Variants in DGKI observed in about 807,000 individuals in gnomAD.
DGKI encodes the protein diacylglycerol kinase iota.
In DGKI, 55 loss-of-function variants were observed where a neutral mutation model predicts 147.5. The observed-to-expected ratio is 0.37, with a 90% confidence interval of 0.30 to 0.47. The LOEUF is 0.47. DGKI is among the 20% of genes least tolerant of loss of function. The pLI, the probability that DGKI is intolerant of heterozygous loss-of-function variation, is 1.00. For missense variants in DGKI, 1,007 were observed against 1,323.8 expected (o/e 0.76, Z 3.71); for synonymous variants, 469 against 477.1 (o/e 0.98, Z 0.22).
At chr7:137,661,468 G>A (rs1360911207) in intron 3 of DGKI, among the ~76,000 whole-genome samples, 1 of 152,086 alleles carries the variant, frequency 6.6e-6, no homozygotes, top group Non-Finnish European at 1.5e-5. Context: ...GGGCAGATGG[G>A]GCATGCTGGG....
At chr7:137,778,438 G>A (rs28439740) in intron 1 of DGKI, among the ~76,000 whole-genome samples, 3,365 of 152,238 alleles carry the variant, frequency 0.022, 143 homozygotes, top group African/African-American at 0.078. Flanking sequence ...TGGTTTGCTT[G>A]GGTTTGCTTT....
At chr7:137,550,078 A>G (rs1169016525) in intron 20 of DGKI, among the ~76,000 whole-genome samples, 1 of 152,112 alleles carries the variant, frequency 6.6e-6, no homozygotes, top group Non-Finnish European at 1.5e-5. Flanking sequence ...TAAGTCTTTC[A>G]GAGGGCATGG....
chr7:137,407,728 CA>C, intron 30 of DGKI, 146 bp downstream of exon 30: 2 of 1,035,016 alleles, frequency 1.9e-6, no homozygotes, highest in Non-Finnish European at 2.8e-6. Flanking sequence ...ACGACTGCCT[CA>C]AATAAGCAGG....
intron 2 of DGKI, among the ~76,000 whole-genome samples, chr7:137,682,009 C>T (rs1646342): frequency 0.029 from 4,400 of 152,298 alleles, 82 homozygotes; most frequent in Middle Eastern, 0.058. Flanking sequence ...TATATTATAG[C>T]ACATGGTTGC....
intron 7 of DGKI, among the ~76,000 whole-genome samples, chr7:137,620,635 G>A (rs562425618): frequency 7.2e-4 from 110 of 152,226 alleles, no homozygotes; most frequent in African/African-American, 2.4e-3. Context: ...AGTCTAAAGT[G>A]ATTTTTGCTT....
Position 137,521,963 on chromosome 7 carries a change from G to A in DGKI, c.2151C>T (p.Pro717=), listed in dbSNP as rs754655581. ...TCCTCAGACGATCTGGGACAGACTGGGGACTGCAAAACAAGAACCGAGTGG... is the reference window on the plus strand; with the variant it reads ...TCCTCAGACGATCTGGGACAGACTGAGGACTGCAAAACAAGAACCGAGTGG... ...RRTSMPLLND[P]QSVPDRLRIR... Residue 717 remains proline, a synonymous_variant, in exon 21 of 33, where the codon CCC becomes CCT. Transcript: ENST00000614521. 3 of 1,609,448 alleles carry A rather than the reference G, an allele frequency of 1.9e-6. No individual in the cohort carries two copies. In the South Asian group the frequency reaches 3.3e-5, roughly 18 times the overall value.
At chr7:137,765,638 C>T (rs1459530167) in intron 1 of DGKI, among the ~76,000 whole-genome samples, 1 of 152,172 alleles carries the variant, frequency 6.6e-6, no homozygotes, top group African/African-American at 2.4e-5. Flanking sequence ...GGTTTAGAAC[C>T]ACTGCCACCA....
Position 137,396,063 on chromosome 7 carries a change from G to C in DGKI, c.2958-366C>G, listed in dbSNP as rs550924164. The C allele has an allele frequency of 4.1e-5, 7 of 171,558 alleles. No individual in the cohort carries two copies. The East Asian group carries it at 1.1e-3, about 27-fold the overall frequency. The allele number at this position is 171,558 out of a possible 1,614,324, so 10.6% of individuals were successfully genotyped here. A position where few individuals can be genotyped will look rare whatever the true frequency, so the allele number is the denominator to read the frequency against. ...CTCTGTGCATACATTTGAGCAGAGC[G>C]AGAAAGGCACTGGGTGAAAGAACAG... On this transcript the variant is annotated intron_variant, in intron 31 of 32. Transcript: ENST00000614521.
At position 137,581,854 on chromosome 7, in the gene DGKI, G is replaced by A. The variant is rs764041131; in HGVS notation, c.1638C>T (p.Ser546=). The A allele has an allele frequency of 6.2e-7, 1 of 1,612,696 alleles. No homozygotes were observed. The highest frequency in any genetic ancestry group is 1.1e-5 in the South Asian group (1 of 90,954). The change falls in exon 15 of 33, where the codon TCC becomes TCT. Residue 546 remains serine, a synonymous_variant. Transcript: ENST00000614521. ...GAAATGGGACGTTGTCCTCACCTCTGGATTCATGGAACTCCAGTGTGACAT... is the reference window on the plus strand; with the variant it reads ...GAAATGGGACGTTGTCCTCACCTCTAGATTCATGGAACTCCAGTGTGACAT... The part of the protein sequence containing the change: ...DAHVTLEFHE[S]REANPEKFNS...
chr7:137,535,603 C>A (rs1817490502), intron 20 of DGKI, among the ~76,000 whole-genome samples: 1 of 152,080 alleles, frequency 6.6e-6, no homozygotes, highest in South Asian at 2.1e-4. Flanking sequence ...GGCAACAAAA[C>A]CCGCAGTAAA....
intron 1 of DGKI, among the ~76,000 whole-genome samples, chr7:137,834,319 T>A (rs904432111): frequency 2.0e-5 from 3 of 152,234 alleles, no homozygotes; most frequent in Admixed American, 2.0e-4. Flanking sequence ...TGGGTTCGTA[T>A]AACACAAGTG....
At position 137,469,940 on chromosome 7, in the gene DGKI, A is replaced by G. The variant is rs1179005327; in HGVS notation, c.2374-321T>C. ...TTCTTTCTTTCCCTTTGTGAAGCCA[A>G]GGAATGAGTGACAGCTGGCTGTCAT... On this transcript the variant is annotated intron_variant, in intron 23 of 32. Coordinates refer to ENST00000614521, the MANE Select transcript of DGKI (RefSeq NM_001321708.2). Among the ~76,000 whole-genome samples the G allele has an allele frequency of 3.3e-5, 5 of 152,178 alleles. No homozygotes were observed. The East Asian group carries it at 5.8e-4, about 18-fold the overall frequency.
At chr7:137,844,467 T>C (rs148956282) in intron 1 of DGKI, among the ~76,000 whole-genome samples, 2 of 152,348 alleles carry the variant, frequency 1.3e-5, no homozygotes, top group African/African-American at 4.8e-5. Flanking sequence ...ACAGACAGTT[T>C]GATTCTGCAA....
chr7:137,714,506 G>A (rs1794319312), intron 1 of DGKI, among the ~76,000 whole-genome samples: 1 of 152,184 alleles, frequency 6.6e-6, no homozygotes, highest in Non-Finnish European at 1.5e-5. Context: ...AAGTGGAGAA[G>A]GGCAAGAGAA....
In DGKI at chr7:137,673,099, C is replaced by T. The variant is rs270901; in HGVS notation, c.606+5458G>A. Among the ~76,000 whole-genome samples, 6 of 151,954 alleles carry T rather than the reference C, an allele frequency of 3.9e-5. No individual in the cohort carries two copies. In the East Asian group the frequency reaches 5.8e-4, roughly 15 times the overall value. ...GCCCAGCGTGTGTCTTCTCTTATAA[C>T]GGCACATGTCATGCTGGATTAGGGC... On this transcript the variant is annotated intron_variant, in intron 3 of 32. Transcript: ENST00000614521.
intron 20 of DGKI, among the ~76,000 whole-genome samples, chr7:137,530,707 C>T (rs1015295722): frequency 6.6e-6 from 1 of 152,140 alleles, no homozygotes; most frequent in Admixed American, 6.6e-5. Flanking sequence ...CTTCATCACA[C>T]CTAATCATGT....
intron 22 of DGKI, 64 bp from the exon 23 acceptor site, chr7:137,485,482 C>T: frequency 1.6e-6 from 2 of 1,281,670 alleles, no homozygotes; most frequent in South Asian, 2.7e-5. Context: ...TGCCCCACAA[C>T]TCAATCTCAA....
intron 1 of DGKI, among the ~76,000 whole-genome samples, chr7:137,819,919 A>G (rs1184311619): frequency 1.3e-5 from 2 of 152,168 alleles, no homozygotes; most frequent in Non-Finnish European, 1.5e-5. Context: ...ACTAGTTCAA[A>G]TGTCACTACC....
At chr7:137,636,578 T>C (rs2129003734) in intron 6 of DGKI, among the ~76,000 whole-genome samples, 1 of 152,272 alleles carries the variant, frequency 6.6e-6, no homozygotes, top group African/African-American at 2.4e-5. Context: ...TCTTGGAAGC[T>C]GAAGGTCTTC....
Sources: allele counts gnomAD v4.1 joint callset (sites outside exome capture counted in the v4.1 genomes callset), GRCh38; gene constraint gnomAD v4.1.1; transcripts MANE v1.5; gene names NCBI Gene and HGNC (gene_info 2026-07-23, HGNC 2026-07-21).